Variants in LRRC49 observed in about 807,000 individuals in gnomAD.
LRRC49 encodes leucine rich repeat containing 49.
In LRRC49, 50 loss-of-function variants were observed where a neutral mutation model predicts 83.3. The ratio of observed to expected loss-of-function variants is 0.60; its 90% confidence interval spans 0.48 to 0.76. The LOEUF is 0.76. LRRC49 is among the 30% of genes least tolerant of loss of function. LRRC49 has a pLI of 0.00. For missense variants in LRRC49, 704 were observed against 809.1 expected, an observed-to-expected ratio of 0.87 and a Z score of 1.58; for synonymous variants, 286 against 283.3, an observed-to-expected ratio of 1.01 and a Z score of -0.10.
chr15:70,974,825 G>A (rs978376506), intron 9 of LRRC49, among the ~76,000 whole-genome samples: 1 of 151,508 alleles, frequency 6.6e-6, no homozygotes, highest in Non-Finnish European at 1.5e-5. Context: ...TACAGAAAAA[G>A]TTTGTTTATG....
At chr15:71,043,546 A>G (rs2039760538) in intron 15 of LRRC49, among the ~76,000 whole-genome samples, 1 of 152,196 alleles carries the variant, frequency 6.6e-6, no homozygotes, top group South Asian at 2.1e-4. Flanking sequence ...CGTGCTTTCA[A>G]TGGGATCATC....
At chr15:70,997,153 A>G (rs2038101186) in intron 11 of LRRC49, among the ~76,000 whole-genome samples, 3 of 152,212 alleles carry the variant, frequency 2.0e-5, no homozygotes, top group Admixed American at 6.5e-5. Flanking sequence ...GAAGTCTCCA[A>G]CTATTATTGT....
intron 10 of LRRC49, among the ~76,000 whole-genome samples, chr15:70,981,869 T>G (rs922282531): frequency 6.6e-6 from 1 of 150,558 alleles, no homozygotes; most frequent in African/African-American, 2.4e-5. Flanking sequence ...TCTAGCATTC[T>G]CTAACCTTTC....
At chr15:70,909,839 A>AAC (rs146189261) in intron 5 of LRRC49, among the ~76,000 whole-genome samples, 14,498 of 135,890 alleles carry the variant, frequency 0.11, 787 homozygotes, top group East Asian at 0.18. Context: ...CTCCATCTCA[A>AAC]ACACACACAC....
chr15:70,983,634 C>T (rs2037484862), intron 10 of LRRC49, among the ~76,000 whole-genome samples: 1 of 151,920 alleles, frequency 6.6e-6, no homozygotes. Flanking sequence ...CCTTCCCTTC[C>T]CCCCCTCCAA....
intron 14 of LRRC49, among the ~76,000 whole-genome samples, chr15:71,036,430 G>T (rs111572219): frequency 0.026 from 4,028 of 152,152 alleles, 186 homozygotes; most frequent in African/African-American, 0.092. Context: ...AAAAATAAAT[G>T]TTTAAAAAAG....
At chr15:71,003,172 T>C (rs1266091754) in intron 11 of LRRC49, among the ~76,000 whole-genome samples, 1 of 151,952 alleles carries the variant, frequency 6.6e-6, no homozygotes, top group Non-Finnish European at 1.5e-5. Flanking sequence ...CCTGACCTTG[T>C]GATCCACCCA....
chr15:71,011,340 A>C (rs1286849640), intron 13 of LRRC49, among the ~76,000 whole-genome samples: 1 of 152,056 alleles, frequency 6.6e-6, no homozygotes, highest in Non-Finnish European at 1.5e-5. Flanking sequence ...TTAACCCTAA[A>C]TGGTGTATTT....
intron 8 of LRRC49, among the ~76,000 whole-genome samples, chr15:70,953,639 G>A (rs1579730): frequency 0.81 from 123,471 of 151,896 alleles, 50,553 homozygotes; most frequent in Admixed American, 0.86. Flanking sequence ...TGTTCTCTGA[G>A]TTTCTTGAAT....
At chr15:70,926,060 A>G (rs1449086034) in intron 7 of LRRC49, among the ~76,000 whole-genome samples, 1 of 152,182 alleles carries the variant, frequency 6.6e-6, no homozygotes, top group African/African-American at 2.4e-5. Flanking sequence ...TATATTCAAC[A>G]TAATGTCTTG....
intron 8 of LRRC49, among the ~76,000 whole-genome samples, chr15:70,961,881 T>A (rs1479960787): frequency 6.6e-6 from 1 of 152,114 alleles, no homozygotes; most frequent in Non-Finnish European, 1.5e-5. Flanking sequence ...AGCCTTAATA[T>A]ATGCAAATGT....
intron 6 of LRRC49, 147 bp downstream of exon 6, chr15:70,911,745 A>G (rs2034561506): frequency 1.8e-6 from 1 of 556,936 alleles, no homozygotes; most frequent in East Asian, 3.0e-5. Flanking sequence ...GCTTATTTAT[A>G]GAAGATTTGG....
intron 14 of LRRC49, among the ~76,000 whole-genome samples, chr15:71,021,897 C>T (rs2039006722): frequency 6.6e-6 from 1 of 152,274 alleles, no homozygotes. Flanking sequence ...ACCATCATTT[C>T]ACCCACAAAC....
chr15:70,927,597 G>T lies in LRRC49; in HGVS notation c.711+8404G>T, dbSNP rs562211401. ...GTTCACCTACATTTTCCTCCAGAAG[G>T]TTTATAGTTTTACCTTTCTATTTAG... is the stretch of plus-strand genomic sequence containing the variant. On this transcript the variant is annotated intron_variant, in intron 7 of 15. Coordinates refer to ENST00000260382, the MANE Select transcript of LRRC49 (RefSeq NM_017691.5). Among the ~76,000 whole-genome samples, 18 of 152,234 alleles carry T rather than the reference G, an allele frequency of 1.2e-4. No homozygotes were observed. The South Asian group carries it at 3.7e-3, about 32-fold the overall frequency.
chr15:70,984,699 T>A (rs2037533218), intron 11 of LRRC49: 1 of 152,698 alleles, frequency 6.5e-6, no homozygotes, highest in Non-Finnish European at 1.5e-5. Flanking sequence ...TACATATGTA[T>A]ACATGTGCCA....
chr15:71,000,618 T>C (rs145616542), intron 11 of LRRC49, among the ~76,000 whole-genome samples: 1 of 152,290 alleles, frequency 6.6e-6, no homozygotes, highest in African/African-American at 2.4e-5. Flanking sequence ...GTTTGCCCCA[T>C]ATTTGAGCCA....
chr15:70,892,273 G>T (rs2033613138), upstream of LRRC49: 1 of 1,563,186 alleles, frequency 6.4e-7, no homozygotes, highest in East Asian at 2.4e-5. Context: ...GGGCCGGCAT[G>T]GCGGCCGTCT....
intron 14 of LRRC49, among the ~76,000 whole-genome samples, chr15:71,024,658 A>G (rs960879225): frequency 7.2e-5 from 11 of 152,058 alleles, no homozygotes; most frequent in African/African-American, 2.4e-4. Context: ...GAAAGAATCA[A>G]TGAAAAAAAA....
At chr15:70,891,884 C>A, upstream of LRRC49, 1 of 1,611,848 alleles carries the variant, frequency 6.2e-7, no homozygotes, top group East Asian at 2.2e-5. Context: ...GGGGCGTGTA[C>A]AGGAGACTGG....
Sources: allele counts gnomAD v4.1 joint callset (sites outside exome capture counted in the v4.1 genomes callset), GRCh38; gene constraint gnomAD v4.1.1; transcripts MANE v1.5; gene names NCBI Gene and HGNC (gene_info 2026-07-23, HGNC 2026-07-21).